Variants in FAM227A observed in about 807,000 individuals in gnomAD.
FAM227A encodes the protein protein FAM227A.
Under a neutral mutation model 74.7 loss-of-function variants are expected in FAM227A, and 80 were observed. That is an observed-to-expected ratio of 1.07 (90% CI 0.89 to 1.29). The LOEUF (loss-of-function observed/expected upper bound fraction) is 1.29, where lower values mean the gene tolerates loss of function less well. Among genes scored for constraint, FAM227A ranks in the 50% most tolerant of loss-of-function variants. The pLI, the probability that FAM227A is intolerant of heterozygous loss-of-function variation, is 0.00. For missense variants in FAM227A, 654 were observed against 683.4 expected, an observed-to-expected ratio of 0.96 and a Z score of 0.48; for synonymous variants, 237 against 241.8, an observed-to-expected ratio of 0.98 and a Z score of 0.19.
intron 11 of FAM227A, among the ~76,000 whole-genome samples, chr22:38,613,184 TAATATA>T (rs1318170679): frequency 1.3e-5 from 1 of 78,602 alleles, no homozygotes; most frequent in Admixed American, 2.2e-4. Flanking sequence ...ATATTATATA[TAATATA>T]TATATATTAT....
intron 11 of FAM227A, among the ~76,000 whole-genome samples, chr22:38,615,834 G>A (rs2146327653): frequency 6.6e-6 from 1 of 152,276 alleles, no homozygotes; most frequent in South Asian, 2.1e-4. Context: ...TAAAAGAAAG[G>A]AGCCCAGGTG....
chr22:38,588,615 T>TTA (rs1262681744), intron 16 of FAM227A, among the ~76,000 whole-genome samples: 5 of 47,878 alleles, frequency 1.0e-4, no homozygotes, highest in Non-Finnish European at 2.0e-4. Context: ...TGACTCTGTC[T>TTA]AAAAAAAAAA....
At chr22:38,627,708 G>GA (rs1220777390) in intron 8 of FAM227A, among the ~76,000 whole-genome samples, 1 of 151,952 alleles carries the variant, frequency 6.6e-6, no homozygotes, top group Non-Finnish European at 1.5e-5. Flanking sequence ...GGGTTCATGT[G>GA]AACCCTGCCT....
chr22:38,648,299 C>T (rs2092272412), intron 2 of FAM227A, among the ~76,000 whole-genome samples: 1 of 125,902 alleles, frequency 7.9e-6, no homozygotes, highest in Non-Finnish European at 1.6e-5. Flanking sequence ...GCAAGGTCAA[C>T]TTGATTAAAA....
chr22:38,646,994 C>CA (rs2092251405), intron 2 of FAM227A, among the ~76,000 whole-genome samples: 1 of 150,962 alleles, frequency 6.6e-6, no homozygotes, highest in Non-Finnish European at 1.5e-5. Context: ...ACTAAAAATA[C>CA]AAAAAATTAG....
Position 38,585,983 on chromosome 22 carries a change from C to A in FAM227A, c.*142G>T. ...TCACTCAGCCTAGGAAAAACTACAA[C>A]GGAATCCTTCCCCTATGGAGAAATC... On this transcript the variant is annotated 3_prime_UTR_variant, in exon 17 of 17. Transcript: ENST00000535113. 6.6e-7 allele frequency: 1 copy of A among 1,514,916 alleles called. No homozygotes were observed. The highest frequency in any genetic ancestry group is 8.9e-7 in the Non-Finnish European group (1 of 1,129,140). The allele number at this position is 1,514,916 out of a possible 1,614,324, so 93.8% of individuals were successfully genotyped here. A position where few individuals can be genotyped will look rare whatever the true frequency, so the allele number is the denominator to read the frequency against.
intron 2 of FAM227A, among the ~76,000 whole-genome samples, chr22:38,646,452 C>G (rs915651703): frequency 6.7e-6 from 1 of 150,366 alleles, no homozygotes; most frequent in Non-Finnish European, 1.5e-5. Flanking sequence ...TTAGTAGAGA[C>G]GGGGTTTCAC....
Position 38,619,125 on chromosome 22 carries a change from C to T in FAM227A, c.1038+1087G>A, listed in dbSNP as rs1319757936. ...CAAGAAGAACAGGAGGTACAGAGGC[C>T]ACATACAGAAAGGGAGTGTGGTATA... On this transcript the variant is annotated intron_variant, in intron 11 of 16. Coordinates refer to ENST00000535113, the MANE Select transcript of FAM227A (RefSeq NM_001013647.2). Among the ~76,000 whole-genome samples, 4 of 151,906 alleles carry T rather than the reference C, an allele frequency of 2.6e-5. No homozygotes were observed. The South Asian group carries it at 8.3e-4, about 32-fold the overall frequency.
chr22:38,640,672 C>T (rs1169977543), intron 3 of FAM227A, among the ~76,000 whole-genome samples: 1 of 152,204 alleles, frequency 6.6e-6, no homozygotes, highest in African/African-American at 2.4e-5. Flanking sequence ...AATCAGCACT[C>T]GTGGAACAAT....
intron 9 of FAM227A, among the ~76,000 whole-genome samples, chr22:38,624,473 G>C (rs971110522): frequency 6.6e-6 from 1 of 152,104 alleles, no homozygotes; most frequent in Non-Finnish European, 1.5e-5. Flanking sequence ...GCCTGCTTGC[G>C]AGGATGCCTT....
At chr22:38,615,737 G>C (rs1474116607) in intron 11 of FAM227A, among the ~76,000 whole-genome samples, 1 of 152,180 alleles carries the variant, frequency 6.6e-6, no homozygotes, top group Non-Finnish European at 1.5e-5. Flanking sequence ...AGTTATTGGA[G>C]GTTTTAAGCA....
intron 10 of FAM227A, among the ~76,000 whole-genome samples, chr22:38,620,901 C>G (rs1195202572): frequency 3.3e-5 from 5 of 152,116 alleles, no homozygotes; most frequent in Non-Finnish European, 7.4e-5. Flanking sequence ...AGAAGAAAAA[C>G]CAATTCAGAG....
chr22:38,648,463 C>T (rs2092275576), intron 2 of FAM227A, among the ~76,000 whole-genome samples: 2 of 151,032 alleles, frequency 1.3e-5, no homozygotes. Context: ...CAAAATTAGC[C>T]AGACGTGGTG....
chr22:38,651,379 G>A (rs1238322265), intron 1 of FAM227A, among the ~76,000 whole-genome samples: 1 of 152,058 alleles, frequency 6.6e-6, no homozygotes. Flanking sequence ...TTGTTTGTTT[G>A]TTTGTTTGTT....
intron 13 of FAM227A, among the ~76,000 whole-genome samples, chr22:38,601,282 T>C (rs1431119256): frequency 6.6e-6 from 1 of 151,780 alleles, no homozygotes; most frequent in African/African-American, 2.4e-5. Context: ...GGGAAGGCTG[T>C]GAGGAGGTGA....
At chr22:38,625,399 A>G (rs1204431662) in intron 9 of FAM227A, among the ~76,000 whole-genome samples, 1 of 151,518 alleles carries the variant, frequency 6.6e-6, no homozygotes, top group Non-Finnish European at 1.5e-5. Flanking sequence ...AAAAAAAAAA[A>G]AAAAGAAAGA....
intron 13 of FAM227A, 59 bp downstream of exon 13, chr22:38,605,195 C>T: frequency 1.0e-6 from 1 of 956,976 alleles, no homozygotes; most frequent in Non-Finnish European, 1.6e-6. Flanking sequence ...ATTTTCTTAC[C>T]ACACCTCTCA....
intron 16 of FAM227A, among the ~76,000 whole-genome samples, chr22:38,586,804 G>A (rs2090819375): frequency 6.6e-6 from 1 of 152,030 alleles, no homozygotes; most frequent in Non-Finnish European, 1.5e-5. Context: ...AAGTAGCTGG[G>A]ATTATAGGCA....
chr22:38,653,018 G>A (rs115737472), intron 1 of FAM227A, among the ~76,000 whole-genome samples: 1 of 152,066 alleles, frequency 6.6e-6, no homozygotes, highest in Non-Finnish European at 1.5e-5. Flanking sequence ...AGGCCACACA[G>A]CAGGAAGTGA....
Sources: allele counts gnomAD v4.1 joint callset (sites outside exome capture counted in the v4.1 genomes callset), GRCh38; gene constraint gnomAD v4.1.1; transcripts MANE v1.5; gene names NCBI Gene and HGNC (gene_info 2026-07-23, HGNC 2026-07-21).